Variants in RBFOX1 observed in about 807,000 individuals in gnomAD.
The protein encoded by RBFOX1 is RNA binding protein fox-1 homolog 1.
A neutral mutation model predicts 57.7 loss-of-function variants in RBFOX1; 8 were observed. The ratio of observed to expected loss-of-function variants is 0.14; its 90% CI spans 0.08 to 0.25. The LOEUF (loss-of-function observed/expected upper bound fraction) is 0.25, where lower values mean the gene tolerates loss of function less well. Among genes scored for constraint, RBFOX1 ranks in the 10% least tolerant of loss-of-function variants. RBFOX1 has a pLI of 1.00. For synonymous variants in RBFOX1, 326 were observed against 222.4 expected (o/e 1.47, Z -4.15); for missense variants, 611 against 548.5 (o/e 1.11, Z -1.14).
intron 5 of RBFOX1, among the ~76,000 whole-genome samples, chr16:7,549,739 C>G (rs1406788120): frequency 6.6e-6 from 1 of 152,088 alleles, no homozygotes; most frequent in Non-Finnish European, 1.5e-5. Flanking sequence ...TGCCTTTATT[C>G]TGGCCACGCT....
chr16:6,608,368 C>G (rs17140749), intron 2 of RBFOX1, among the ~76,000 whole-genome samples: 1 of 152,162 alleles, frequency 6.6e-6, no homozygotes, highest in Non-Finnish European at 1.5e-5. Context: ...TTGTTCACCT[C>G]TTTGTGGGTT....
intron 4 of RBFOX1, among the ~76,000 whole-genome samples, chr16:7,295,010 A>G (rs926442934): frequency 6.6e-6 from 1 of 152,200 alleles, no homozygotes; most frequent in Non-Finnish European, 1.5e-5. Context: ...TGTGAAGATC[A>G]GAAAAAAATT....
intron 2 of RBFOX1, among the ~76,000 whole-genome samples, chr16:6,620,544 A>T (rs182872796): frequency 3.9e-5 from 6 of 152,206 alleles, no homozygotes; most frequent in African/African-American, 1.4e-4. Flanking sequence ...CAAAAGATCA[A>T]TGAATCCGGG....
At chr16:7,175,145 C>T (rs144255549) in intron 4 of RBFOX1, among the ~76,000 whole-genome samples, 2 of 151,868 alleles carry the variant, frequency 1.3e-5, no homozygotes. Flanking sequence ...AACCCATCAC[C>T]TCGGTATTAA....
At chr16:7,144,778 G>C (rs142986635) in intron 4 of RBFOX1, among the ~76,000 whole-genome samples, 1 of 152,114 alleles carries the variant, frequency 6.6e-6, no homozygotes, top group Non-Finnish European at 1.5e-5. Flanking sequence ...ATGAAAAAGA[G>C]CCCTAAATCA....
chr16:6,064,108 T>C (rs1431639234), intron 1 of RBFOX1, among the ~76,000 whole-genome samples: 1 of 152,204 alleles, frequency 6.6e-6, no homozygotes, highest in East Asian at 1.9e-4. Context: ...GTACTACCAA[T>C]TAATAACAAG....
intron 1 of RBFOX1, among the ~76,000 whole-genome samples, chr16:5,463,820 T>C (rs1224697020): frequency 1.4e-5 from 2 of 141,868 alleles, no homozygotes; most frequent in African/African-American, 2.6e-5. Flanking sequence ...AAAGAAATAA[T>C]AAAAAAAAAT....
intron 4 of RBFOX1, among the ~76,000 whole-genome samples, chr16:5,930,825 C>CATGG (rs1053912548): frequency 9.4e-6 from 1 of 106,558 alleles, no homozygotes; most frequent in South Asian, 3.4e-4. Context: ...TGGATGGTTG[C>CATGG]ATGGATGGAT....
chr16:6,209,484 G>A (rs62016043), intron 1 of RBFOX1, among the ~76,000 whole-genome samples: 35,444 of 152,132 alleles, frequency 0.23, 4,918 homozygotes, highest in Admixed American at 0.33. Context: ...TCTAATACAC[G>A]TAACCTCTCC....
intron 1 of RBFOX1, among the ~76,000 whole-genome samples, chr16:6,026,891 C>T (rs1222368381): frequency 6.6e-6 from 1 of 152,240 alleles, no homozygotes; most frequent in Admixed American, 6.5e-5. Context: ...ACAGCTGGAG[C>T]TGCTCTGATA....
chr16:7,115,993 T>G (rs2065825828), intron 4 of RBFOX1, among the ~76,000 whole-genome samples: 1 of 152,190 alleles, frequency 6.6e-6, no homozygotes, highest in East Asian at 1.9e-4. Context: ...CTCACATATA[T>G]GGAGTAACCA....
At chr16:5,761,550 G>T (rs937746048) in intron 3 of RBFOX1, among the ~76,000 whole-genome samples, 1 of 152,150 alleles carries the variant, frequency 6.6e-6, no homozygotes, top group Non-Finnish European at 1.5e-5. Context: ...GTCTTACATG[G>T]CAGCAGGTAG....
In RBFOX1 at chr16:5,417,337, T is replaced by G. The variant is rs2067188087; in HGVS notation, c.220-49879T>G. On this transcript the variant is annotated intron_variant, in intron 1 of 2. Transcript: ENST00000585867. ...CAGTGAAAACAGGCTAGGGAGAAATTATCTTGACATTTTAGGTAATTCAGT... is the reference window on the plus strand; with the variant it reads ...CAGTGAAAACAGGCTAGGGAGAAATGATCTTGACATTTTAGGTAATTCAGT... Among the ~76,000 whole-genome samples, 3 of 152,200 alleles carry G rather than the reference T, an allele frequency of 2.0e-5. No individual in the cohort carries two copies. In the South Asian group the frequency reaches 6.2e-4, roughly 31 times the overall value.
At chr16:7,036,556 T>G (rs1483959349) in intron 3 of RBFOX1, among the ~76,000 whole-genome samples, 2 of 151,836 alleles carry the variant, frequency 1.3e-5, no homozygotes, top group East Asian at 3.9e-4. Context: ...AGCTGGATAC[T>G]GTGGCGGCTG....
intron 1 of RBFOX1, among the ~76,000 whole-genome samples, chr16:5,303,227 C>T (rs548632824): frequency 1.3e-5 from 2 of 152,276 alleles, no homozygotes; most frequent in Non-Finnish European, 2.9e-5. Flanking sequence ...ATATTATCAT[C>T]ATAGTGTTGA....
chr16:6,955,293 T>C (rs975063801), intron 3 of RBFOX1, among the ~76,000 whole-genome samples: 1 of 151,860 alleles, frequency 6.6e-6, no homozygotes, highest in African/African-American at 2.4e-5. Context: ...AGCGTACGAT[T>C]AAGTAAGTTA....
chr16:6,811,964 T>G (rs1377968872), intron 3 of RBFOX1, among the ~76,000 whole-genome samples: 1 of 152,166 alleles, frequency 6.6e-6, no homozygotes, highest in African/African-American at 2.4e-5. Flanking sequence ...CTGGAATTTC[T>G]TACAGATGTT....
intron 4 of RBFOX1, among the ~76,000 whole-genome samples, chr16:7,366,092 C>A (rs995749510): frequency 5.9e-5 from 9 of 152,124 alleles, no homozygotes; most frequent in African/African-American, 2.2e-4. Context: ...TCAGCTATGG[C>A]CTAGGTGTAG....
intron 4 of RBFOX1, among the ~76,000 whole-genome samples, chr16:7,299,443 G>C (rs1197502072): frequency 3.3e-5 from 5 of 152,158 alleles, no homozygotes; most frequent in Non-Finnish European, 7.4e-5. Context: ...TAGAAAGCTA[G>C]AGGAGTTTGA....
Sources: gnomAD v4.1 joint callset for allele counts (sites outside exome capture counted in the v4.1 genomes callset) on GRCh38, gnomAD v4.1.1 for gene constraint, MANE v1.5 for transcripts, NCBI Gene and HGNC (gene_info 2026-07-23, HGNC 2026-07-21) for gene names.